The following MYBPC1 variants were observed in gnomAD, a reference collection of about 807,000 sequenced individuals.
MYBPC1 encodes the protein myosin-binding protein C, slow-type.
A neutral mutation model predicts 147.1 loss-of-function variants in MYBPC1; 52 were observed. That is an observed-to-expected ratio of 0.35 (90% confidence interval 0.28 to 0.45). The LOEUF is 0.45. MYBPC1 is among the 20% of genes least tolerant of loss of function. The probability of loss-of-function intolerance (pLI) is 1.00; values close to 1 mark genes in which losing one functional copy is unlikely to be tolerated. For synonymous variants in MYBPC1, 477 were observed against 475.9 expected, an observed-to-expected ratio of 1.00 and a Z score of -0.03; for missense variants, 1,228 against 1,440.3, an observed-to-expected ratio of 0.85 and a Z score of 2.39.
At chr12:101,618,622 A>G (rs1172552369) in intron 3 of MYBPC1, among the ~76,000 whole-genome samples, 1 of 152,200 alleles carries the variant, frequency 6.6e-6, no homozygotes, top group African/African-American at 2.4e-5. Flanking sequence ...CCTGTGCCTG[A>G]CCCTTAATTT....
rs564581976 is a variant in MYBPC1 at position 101,662,090 on chromosome 12, T to A, written c.2033-268T>A. On this transcript the variant is annotated intron_variant, in intron 20 of 31. Coordinates refer to ENST00000361466, the MANE Select transcript of MYBPC1 (RefSeq NM_002465.4). ...GATTATATTGTTCACCTACAGTGAC[T>A]AAGTTGCTATGGCTGACTTAACTGT... Among the ~76,000 whole-genome samples, 3 of 152,230 alleles carry A rather than the reference T, an allele frequency of 2.0e-5. No homozygotes were observed. In the South Asian group the frequency reaches 6.2e-4, roughly 32 times the overall value.
At chr12:101,615,672 C>CCA (rs1885775150) in intron 2 of MYBPC1, among the ~76,000 whole-genome samples, 1 of 77,064 alleles carries the variant, frequency 1.3e-5, no homozygotes, top group African/African-American at 5.3e-5. Context: ...GCCCCCCCCC[C>CCA]GCCCCCCCAC....
At chr12:101,690,896 C>T (rs575022497), downstream of MYBPC1, among the ~76,000 whole-genome samples, 35 of 152,128 alleles carry the variant, frequency 2.3e-4, no homozygotes, top group South Asian at 5.8e-3. Context: ...TCTCAAAGTA[C>T]GAAACTATAA....
At position 101,629,248 on chromosome 12, in the gene MYBPC1, C is replaced by T. The variant is rs185148817; in HGVS notation, c.179-186C>T. 6 of 630,770 alleles carry T rather than the reference C, an allele frequency of 9.5e-6. No homozygotes were observed. The East Asian group carries it at 1.4e-4, about 15-fold the overall frequency. 39.1% of individuals were successfully genotyped at this position (630,770 alleles called of 1,614,324 possible). Reference sequence around the variant, plus strand: ...TTGCCCCATCATGGAAGAGATACCCCTGTAAGAATGGGAATCTGTTCCCCT... The same window carrying T: ...TTGCCCCATCATGGAAGAGATACCCTTGTAAGAATGGGAATCTGTTCCCCT... On this transcript the variant is annotated intron_variant, in intron 5 of 31. Transcript: ENST00000361466.
chr12:101,684,246 T>C (rs756810899), intron 30 of MYBPC1, 136 bp from the exon 31 acceptor site: 2 of 750,670 alleles, frequency 2.7e-6, no homozygotes, highest in Non-Finnish European at 4.7e-6. Context: ...CTACATCTTT[T>C]ACATGACTAA....
At chr12:101,627,298 A>G (rs1166055173) in intron 4 of MYBPC1, among the ~76,000 whole-genome samples, 1 of 152,050 alleles carries the variant, frequency 6.6e-6, no homozygotes, top group Non-Finnish European at 1.5e-5. Flanking sequence ...GCTGGAGTGC[A>G]GTGGTGCTAT....
At chr12:101,610,710 G>A (rs12830070) in intron 1 of MYBPC1, among the ~76,000 whole-genome samples, 1,533 of 152,258 alleles carry the variant, frequency 0.01, 16 homozygotes, top group Non-Finnish European at 0.015. Flanking sequence ...CAAATAGGGA[G>A]GGCAACATCC....
At chr12:101,624,489 T>C (rs1446377880) in intron 3 of MYBPC1, among the ~76,000 whole-genome samples, 2 of 151,992 alleles carry the variant, frequency 1.3e-5, no homozygotes, top group Non-Finnish European at 2.9e-5. Context: ...TCTAGTTTGC[T>C]TTTGTTTTTG....
At chr12:101,656,456 C>A (rs1037671291) in intron 18 of MYBPC1, among the ~76,000 whole-genome samples, 2 of 151,888 alleles carry the variant, frequency 1.3e-5, no homozygotes, top group South Asian at 2.1e-4. Flanking sequence ...CTATAAGAAA[C>A]CCAGTTTAAA....
At chr12:101,610,934 G>C (rs1884058040) in intron 1 of MYBPC1, among the ~76,000 whole-genome samples, 1 of 152,174 alleles carries the variant, frequency 6.6e-6, no homozygotes. Flanking sequence ...GGATCTCAAA[G>C]AGTCTCAGTT....
intron 1 of MYBPC1, among the ~76,000 whole-genome samples, chr12:101,604,911 T>C (rs1216575572): frequency 6.6e-6 from 1 of 152,132 alleles, no homozygotes; most frequent in Non-Finnish European, 1.5e-5. Flanking sequence ...AGGCACAACA[T>C]TTAAGAAGGC....
At chr12:101,609,600 G>C (rs1270349338) in intron 1 of MYBPC1, among the ~76,000 whole-genome samples, 2 of 152,124 alleles carry the variant, frequency 1.3e-5, no homozygotes, top group Non-Finnish European at 2.9e-5. Flanking sequence ...CAGACTCCAA[G>C]AGTCAGAATC....
chr12:101,667,676 A>AT, intron 22 of MYBPC1, 56 bp from the exon 23 acceptor site: 2 of 1,598,410 alleles, frequency 1.3e-6, no homozygotes, highest in Admixed American at 1.7e-5. Flanking sequence ...GGTTAAGATG[A>AT]TTTTTTTCAC....
intron 10 of MYBPC1, among the ~76,000 whole-genome samples, chr12:101,639,475 T>C (rs1479640277): frequency 5.9e-5 from 9 of 152,180 alleles, no homozygotes; most frequent in Non-Finnish European, 1.5e-5. Flanking sequence ...ACAAGATAGA[T>C]GCTTCTCTTT....
Position 101,642,563 on chromosome 12 carries a change from C to T in MYBPC1, c.810C>T (p.Arg270=). ...TGCTCAAGCGACTCAAGCGCATGCGCAGAGAGGAGAAGAAGAGCGCAGGTG... is the reference window on the plus strand; with the variant it reads ...TGCTCAAGCGACTCAAGCGCATGCGTAGAGAGGAGAAGAAGAGCGCAGGTG... ...RGMLKRLKRM[R]REEKKSAAFA... is the part of the protein sequence containing the mutation. Residue 270 remains arginine (R), a synonymous_variant, in exon 11 of 32, where the codon CGC becomes CGT. Coordinates refer to ENST00000361466, the MANE Select transcript of MYBPC1 (RefSeq NM_002465.4). The T allele has an allele frequency of 6.2e-7, 1 of 1,612,398 alleles. No homozygotes were observed. The highest frequency in any genetic ancestry group is 8.5e-7 in the Non-Finnish European group (1 of 1,179,324).
chr12:101,681,123 CA>C (rs748005610), intron 29 of MYBPC1, among the ~76,000 whole-genome samples: 13 of 152,238 alleles, frequency 8.5e-5, no homozygotes, highest in Non-Finnish European at 1.3e-4. Flanking sequence ...TACTAGTTTT[CA>C]AAGTGTAGCA....
intron 1 of MYBPC1, among the ~76,000 whole-genome samples, chr12:101,596,551 T>C (rs1877330982): frequency 6.6e-6 from 1 of 152,242 alleles, no homozygotes; most frequent in Non-Finnish European, 1.5e-5. Flanking sequence ...TGATTTTGCA[T>C]TTGTTTTTTT....
intron 24 of MYBPC1, among the ~76,000 whole-genome samples, chr12:101,671,308 TATAC>T (rs1456785509): frequency 2.1e-4 from 20 of 93,070 alleles, no homozygotes; most frequent in East Asian, 1.8e-3. Flanking sequence ...TTGACACTCA[TATAC>T]ACACACACAC....
At position 101,632,575 on chromosome 12, in the gene MYBPC1, C is replaced by T. The variant is rs145929213; in HGVS notation, c.556+437C>T. On this transcript the variant is annotated intron_variant, in intron 8 of 31. Coordinates refer to ENST00000361466, the MANE Select transcript of MYBPC1 (RefSeq NM_002465.4). ...CTTCATCCATATGTTCTGTGCACTACCCAGAGTAAACATAGAAGGCCTAAA... is the reference window on the plus strand; with the variant it reads ...CTTCATCCATATGTTCTGTGCACTATCCAGAGTAAACATAGAAGGCCTAAA... Among the ~76,000 whole-genome samples the T allele has an allele frequency of 1.9e-3, 291 of 152,168 alleles. 1 individual carries two copies. Among genetic ancestry groups the T allele is most frequent in the African/African-American group, 6.7e-3 (279 of 41,520 alleles).
Sources: allele counts gnomAD v4.1 joint callset (sites outside exome capture counted in the v4.1 genomes callset), GRCh38; gene constraint gnomAD v4.1.1; transcripts MANE v1.5; gene names NCBI Gene and HGNC (gene_info 2026-07-23, HGNC 2026-07-21).